The following PHF3 variants were observed in gnomAD, a reference collection of about 807,000 sequenced individuals.
PHF3 encodes the protein PHD finger protein 3.
PHF3 carries 41 observed loss-of-function variants against 178.4 expected under a neutral mutation model. The observed-to-expected ratio is 0.23, with a 90% confidence interval of 0.18 to 0.30. PHF3 has a LOEUF of 0.30. Ranked by LOEUF, PHF3 falls within the 10% of genes least tolerant of loss-of-function variation. The pLI, the probability that PHF3 is intolerant of heterozygous loss-of-function variation, is 1.00. For synonymous variants in PHF3, 842 were observed against 800.5 expected, an observed-to-expected ratio of 1.05 and a Z score of -0.88; for missense variants, 2,346 against 2,398.1, an observed-to-expected ratio of 0.98 and a Z score of 0.45.
At chr6:63,698,117 T>C (rs1286199511) in intron 6 of PHF3, 106 bp from the exon 7 acceptor site, 3 of 882,894 alleles carry the variant, frequency 3.4e-6, no homozygotes, top group Non-Finnish European at 3.4e-6. Flanking sequence ...TCTGATCTTA[T>C]TTCTAAATAG....
chr6:63,664,415 T>C (rs1765592938), intron 2 of PHF3, among the ~76,000 whole-genome samples: 1 of 152,204 alleles, frequency 6.6e-6, no homozygotes, highest in African/African-American at 2.4e-5. Context: ...TCAAAATTGC[T>C]ACTTGTGTAT....
Position 63,694,650 on chromosome 6 carries a change from C to G in PHF3, c.2566C>G (p.Leu856Val). The change falls in exon 6 of 16, where the codon CTT becomes GTT. Residue 856 changes from leucine (L) to valine (V), a missense_variant. This residue lies in a region of PHF3 where 252 missense variants were observed against 232.0 expected (regional missense o/e 1.09). Coordinates refer to ENST00000262043, the MANE Select transcript of PHF3 (RefSeq NM_001370348.2). ...AATTAAAAAATGGCAGCTAGCTCCTCTTCGTAAGATGGGACAACCAGTTTT... is the reference window on the plus strand; with the variant it reads ...AATTAAAAAATGGCAGCTAGCTCCTGTTCGTAAGATGGGACAACCAGTTTT... ...NEIKKWQLAP[L>V]RKMGQPVLPR... The G allele has an allele frequency of 1.3e-6, 2 of 1,591,306 alleles. No homozygotes were observed. Among genetic ancestry groups the G allele is most frequent in the Non-Finnish European group, 1.7e-6 (2 of 1,167,740 alleles).
At chr6:63,688,053 G>A (rs933299626) in intron 4 of PHF3, among the ~76,000 whole-genome samples, 6 of 151,132 alleles carry the variant, frequency 4.0e-5, no homozygotes, top group African/African-American at 1.2e-4. Flanking sequence ...GCGTGCTGGC[G>A]GGCGCCTGTA....
At chr6:63,703,717 G>A (rs1177640129) in intron 11 of PHF3, 46 bp downstream of exon 11, 1 of 1,555,980 alleles carries the variant, frequency 6.4e-7, no homozygotes. Context: ...CATTATGAAA[G>A]AAGGATACTT....
chr6:63,691,331 A>C (rs1370554929), intron 4 of PHF3, among the ~76,000 whole-genome samples: 1 of 152,158 alleles, frequency 6.6e-6, no homozygotes, highest in African/African-American at 2.4e-5. Flanking sequence ...TGAGGTAGGT[A>C]GCTGTAACTT....
intron 10 of PHF3, 138 bp from the exon 11 acceptor site, chr6:63,703,398 A>C (rs1040508652): frequency 1.6e-4 from 138 of 849,572 alleles, no homozygotes; most frequent in South Asian, 2.0e-4. Flanking sequence ...GTAAAAAAAA[A>C]CCAAAAAACA....
intron 2 of PHF3, among the ~76,000 whole-genome samples, chr6:63,651,914 G>GTA (rs1035939912): frequency 3.9e-5 from 6 of 152,086 alleles, no homozygotes; most frequent in South Asian, 2.1e-4. Flanking sequence ...ATTCCATTGT[G>GTA]TATATATATA....
At chr6:63,697,346 G>T (rs1376252763) in intron 6 of PHF3, among the ~76,000 whole-genome samples, 1 of 152,048 alleles carries the variant, frequency 6.6e-6, no homozygotes, top group Non-Finnish European at 1.5e-5. Flanking sequence ...TGAGAAGGAG[G>T]TATTGTTGGT....
intron 2 of PHF3, among the ~76,000 whole-genome samples, chr6:63,658,291 G>T (rs1765321241): frequency 6.6e-6 from 1 of 152,042 alleles, no homozygotes; most frequent in South Asian, 2.1e-4. Context: ...AATCTTTTCT[G>T]TTCAGTTTTC....
At position 63,685,295 on chromosome 6, in the gene PHF3, G is replaced by A. The variant is rs34288820; in HGVS notation, c.1573G>A (p.Val525Ile). 0.025 allele frequency: 40,074 copies of A among 1,613,938 alleles called. 647 individuals are homozygous for A. The highest frequency in any genetic ancestry group is 0.029 in the Non-Finnish European group (33,761 of 1,179,922). The change falls in exon 4 of 16, where the codon GTC becomes ATC. Residue 525 changes from valine to isoleucine, a missense_variant. Val to Ile is a conservative substitution (Grantham distance 29, BLOSUM62 3). Transcript: ENST00000262043. Reference sequence around the variant, plus strand: ...AATACATAGCAAAACTAAAGTTAATGTCAAAAGTGTGAAACGAAATACTGA... The same window carrying A: ...AATACATAGCAAAACTAAAGTTAATATCAAAAGTGTGAAACGAAATACTGA... ...EVIHSKTKVN[V>I]KSVKRNTDVP...
At chr6:63,644,506 C>A (rs1764699367) in intron 1 of PHF3, among the ~76,000 whole-genome samples, 1 of 152,000 alleles carries the variant, frequency 6.6e-6, no homozygotes, top group African/African-American at 2.4e-5. Flanking sequence ...AGGAACTTGT[C>A]CTGAGTTTTC....
In PHF3 at chr6:63,721,063, T is replaced by C. The variant is rs1010350165; in HGVS notation, c.*7355T>C. On this transcript the variant is annotated 3_prime_UTR_variant, in exon 16 of 16. Coordinates refer to ENST00000262043, the MANE Select transcript of PHF3 (RefSeq NM_001370348.2). Reference sequence around the variant, plus strand: ...ATCCATACAATTAGACCTTCTGTTTTAGTGGTACTGAAATTTAAGGATATA... The same window carrying C: ...ATCCATACAATTAGACCTTCTGTTTCAGTGGTACTGAAATTTAAGGATATA... 3.2e-6 allele frequency: 5 copies of C among 1,551,232 alleles called. No individual in the cohort carries two copies. The African/African-American group carries it at 6.8e-5, about 21-fold the overall frequency.
At chr6:63,701,757 T>A (rs1582106836) in intron 9 of PHF3, among the ~76,000 whole-genome samples, 1 of 152,260 alleles carries the variant, frequency 6.6e-6, no homozygotes, top group East Asian at 1.9e-4. Flanking sequence ...TAATATCACC[T>A]CCTCTTCCTT....
At chr6:63,637,042 G>C (rs1164871436) in intron 1 of PHF3, among the ~76,000 whole-genome samples, 1 of 152,090 alleles carries the variant, frequency 6.6e-6, no homozygotes, top group Admixed American at 6.5e-5. Flanking sequence ...CTTTCCAGTA[G>C]TCACGCGTAG....
intron 2 of PHF3, among the ~76,000 whole-genome samples, chr6:63,663,436 G>A (rs1398037484): frequency 6.6e-6 from 1 of 152,102 alleles, no homozygotes; most frequent in Non-Finnish European, 1.5e-5. Context: ...AAGTAGGAAA[G>A]CTGGCTACCT....
Position 63,702,598 on chromosome 6 carries a change from G to C in PHF3, c.3190G>C (p.Asp1064His), listed in dbSNP as rs1767519812. 6.2e-7 allele frequency: 1 copy of C among 1,613,000 alleles called. No individual in the cohort carries two copies. Among genetic ancestry groups the C allele is most frequent in the Non-Finnish European group, 8.5e-7 (1 of 1,179,396 alleles). The part of the protein sequence containing the change: ...THKGEIEIES[D>H]APMKEQEAAM... ...TAAAGGTGAAATAGAAATTGAGAGTGATGCCCCAATGAAAGAACAGGAAGC... is the reference window on the plus strand; with the variant it reads ...TAAAGGTGAAATAGAAATTGAGAGTCATGCCCCAATGAAAGAACAGGAAGC... The change falls in exon 10 of 16, where the codon GAT becomes CAT. Residue 1064 changes from aspartate to histidine, a missense_variant. Coordinates refer to ENST00000262043, the MANE Select transcript of PHF3 (RefSeq NM_001370348.2).
chr6:63,706,340 A>G (rs1767691733), intron 12 of PHF3, 116 bp downstream of exon 12: 3 of 736,606 alleles, frequency 4.1e-6, no homozygotes, highest in Non-Finnish European at 6.5e-6. Flanking sequence ...TTGAGAAAAT[A>G]ACTGTACTTT....
intron 1 of PHF3, among the ~76,000 whole-genome samples, chr6:63,645,381 T>G (rs1764742176): frequency 6.6e-6 from 1 of 152,220 alleles, no homozygotes; most frequent in South Asian, 2.1e-4. Flanking sequence ...TAATAGACCC[T>G]GTTTATTATT....
chr6:63,703,539 C>A lies in PHF3; in HGVS notation c.3235C>A (p.Pro1079Thr). The change falls in exon 11 of 16, where the codon CCA (proline) becomes ACA (threonine). Residue 1079 changes from proline (P) to threonine (T), a missense_variant. Physicochemically the swap from Pro to Thr is conservative, Grantham distance 38. Coordinates refer to ENST00000262043, the MANE Select transcript of PHF3 (RefSeq NM_001370348.2). The stretch of plus-strand genomic sequence containing the variant: ...TTTTTACTTTGACTTACGTTAGGAA[C>A]CAGCCGCCAATAAGTCATTGGAGAA... ...EQEAAMEIQE[P>T]AANKSLEKPE... 6.2e-7 allele frequency: 1 copy of A among 1,604,464 alleles called. No individual in the cohort carries two copies. The highest frequency in any genetic ancestry group is 1.7e-4 in the Middle Eastern group (1 of 6,038).
Sources: gnomAD v4.1 joint callset for allele counts (sites outside exome capture counted in the v4.1 genomes callset) on GRCh38, gnomAD v4.1.1 for gene constraint, gnomAD v4.1.1 regional missense constraint, MANE v1.5 for transcripts, NCBI Gene and HGNC (gene_info 2026-07-23, HGNC 2026-07-21) for gene names.